The following ERICH3 variants were observed in gnomAD, a reference collection of about 807,000 sequenced individuals.
ERICH3 encodes the protein glutamate rich 3.
In ERICH3, 126 loss-of-function variants were observed where a neutral mutation model predicts 131.1. That is an observed-to-expected ratio of 0.96 (90% confidence interval 0.83 to 1.11). The LOEUF is 1.11. Among genes scored for constraint, ERICH3 ranks in the 50% most tolerant of loss-of-function variants. The pLI is 0.00. For missense variants in ERICH3, 2,050 were observed against 1,810.7 expected (o/e 1.13, Z -2.40); for synonymous variants, 695 against 644.6 (o/e 1.08, Z -1.18).
At chr1:74,611,675 C>T (rs955952809) in intron 9 of ERICH3, among the ~76,000 whole-genome samples, 8 of 152,184 alleles carry the variant, frequency 5.3e-5, no homozygotes, top group South Asian at 2.1e-4. Context: ...ACAACAAACA[C>T]GTGCCTGCTT....
Position 74,606,917 on chromosome 1 carries a change from A to G in ERICH3, c.1188-15T>C. 1 of 1,602,816 alleles carries G rather than the reference A, an allele frequency of 6.2e-7. No homozygotes were observed. On this transcript the variant is annotated splice_polypyrimidine_tract_variant and intron_variant, in intron 9 of 14. Coordinates refer to ENST00000326665, the MANE Select transcript of ERICH3 (RefSeq NM_001002912.5). Reference sequence around the variant, plus strand: ...CAATAATGCACCTATGAAAAATATTAGCAGGAAGTGTTTGTTAACCCTTGT... The same window carrying G: ...CAATAATGCACCTATGAAAAATATTGGCAGGAAGTGTTTGTTAACCCTTGT...
intron 8 of ERICH3, among the ~76,000 whole-genome samples, chr1:74,613,035 C>A (rs905497925): frequency 1.3e-5 from 2 of 151,994 alleles, no homozygotes; most frequent in Admixed American, 6.6e-5. Flanking sequence ...AAAAAAAGTT[C>A]TTGTATAAAT....
At chr1:74,642,975 T>TA in intron 4 of ERICH3, 52 bp downstream of exon 4, 1 of 1,363,288 alleles carries the variant, frequency 7.3e-7, no homozygotes, top group Non-Finnish European at 1.0e-6. Flanking sequence ...CTGTTTTTTT[T>TA]AAAATCATAA....
chr1:74,597,136 C>T (rs191177809), intron 11 of ERICH3, among the ~76,000 whole-genome samples: 17 of 152,204 alleles, frequency 1.1e-4, no homozygotes, highest in Admixed American at 2.0e-4. Flanking sequence ...GGCTTTTCAA[C>T]AGAGTATTCC....
chr1:74,663,019 G>T (rs549599), intron 1 of ERICH3, among the ~76,000 whole-genome samples: 107,444 of 151,992 alleles, frequency 0.71, 38,852 homozygotes, highest in African/African-American at 0.85. Context: ...ATATATCATT[G>T]TATGTCTTTC....
At chr1:74,611,798 C>T (rs1648710158) in intron 9 of ERICH3, among the ~76,000 whole-genome samples, 1 of 152,096 alleles carries the variant, frequency 6.6e-6, no homozygotes, top group African/African-American at 2.4e-5. Context: ...CCTAACTATC[C>T]TGCATAAAAT....
At chr1:74,640,759 A>G (rs1183153562) in intron 5 of ERICH3, among the ~76,000 whole-genome samples, 1 of 152,094 alleles carries the variant, frequency 6.6e-6, no homozygotes, top group Non-Finnish European at 1.5e-5. Flanking sequence ...AATTATTTTT[A>G]TTTTAGAGTA....
intron 8 of ERICH3, among the ~76,000 whole-genome samples, chr1:74,613,611 C>A (rs1436799701): frequency 6.6e-6 from 1 of 152,310 alleles, no homozygotes; most frequent in South Asian, 2.1e-4. Context: ...CATCTCCAAG[C>A]TATACTCAAT....
At chr1:74,626,462 G>T (rs1343644850) in intron 7 of ERICH3, among the ~76,000 whole-genome samples, 2 of 152,044 alleles carry the variant, frequency 1.3e-5, no homozygotes, top group African/African-American at 4.8e-5. Flanking sequence ...TAAACTTTTT[G>T]CCCTCTCTTT....
At chr1:74,620,701 A>G (rs1452180863) in intron 8 of ERICH3, 33 bp downstream of exon 8, 27 of 1,525,976 alleles carry the variant, frequency 1.8e-5, no homozygotes, top group Non-Finnish European at 2.2e-5. Context: ...ATCAACTCCA[A>G]GCAATTAAAA....
chr1:74,646,631 A>C, intron 3 of ERICH3, 36 bp downstream of exon 3: 1 of 1,109,572 alleles, frequency 9.0e-7, no homozygotes, highest in Non-Finnish European at 1.2e-6. Context: ...AGTAGAAAAA[A>C]ATAAAATAAA....
intron 12 of ERICH3, among the ~76,000 whole-genome samples, chr1:74,581,297 ATG>A (rs1364310298): frequency 4.6e-5 from 7 of 152,146 alleles, no homozygotes; most frequent in Middle Eastern, 3.4e-3. Context: ...TATTAAGCCC[ATG>A]TGTTAGGTTT....
chr1:74,669,778 T>C (rs1646724954), intron 1 of ERICH3, among the ~76,000 whole-genome samples: 1 of 152,184 alleles, frequency 6.6e-6, no homozygotes, highest in African/African-American at 2.4e-5. Context: ...TTACATCAAG[T>C]GCTTCATGCT....
chr1:74,646,085 G>C (rs1219625617), intron 3 of ERICH3, among the ~76,000 whole-genome samples: 1 of 147,372 alleles, frequency 6.8e-6, no homozygotes, highest in East Asian at 2.1e-4. Context: ...TACCCTGTCA[G>C]ATTAAAAAAA....
chr1:74,613,264 G>T lies in ERICH3; in HGVS notation c.1001-455C>A, dbSNP rs149530512. On this transcript the variant is annotated intron_variant, in intron 8 of 14. Transcript: ENST00000326665. ...TTGTAATAAAATAATAATACCTAAG[G>T]TTACATGAGCACTTACTGTGGCAGG... 6.7e-3 allele frequency among the ~76,000 whole-genome samples: 1,026 copies of T among 152,088 alleles called. 9 individuals carry two copies. Among genetic ancestry groups the T allele is most frequent in the African/African-American group, 0.022 (931 of 41,488 alleles).
At chr1:74,610,536 C>T (rs1030960948) in intron 9 of ERICH3, among the ~76,000 whole-genome samples, 2 of 151,210 alleles carry the variant, frequency 1.3e-5, no homozygotes, top group Admixed American at 1.3e-4. Context: ...CCCTTTATGT[C>T]ATACTTCATG....
intron 13 of ERICH3, among the ~76,000 whole-genome samples, chr1:74,574,158 T>A (rs1014339345): frequency 2.0e-5 from 3 of 151,978 alleles, no homozygotes; most frequent in Non-Finnish European, 4.4e-5. Context: ...GCCAGGCTAA[T>A]TTTTTTGTTT....
rs2305549 is a variant in ERICH3, at chr1:74,589,735, T to C, written c.2072A>G (p.His691Arg). The C allele has an allele frequency of 0.095, 152,856 of 1,614,022 alleles. 8,275 individuals are homozygous for C. The highest frequency in any genetic ancestry group is 0.24 in the East Asian group (10,798 of 44,872). The part of the protein sequence containing the change: ...AEGLSEKSGK[H>R]VSAEEKEKDK... The stretch of plus-strand genomic sequence containing the variant: ...CTTTTCCTTTTCTTCTGCAGAAACA[T>C]GTTTCCCGGACTTCTCAGATAAACC... The change falls in exon 12 of 15, where the codon CAT becomes CGT. Residue 691 changes from histidine (H) to arginine (R), a missense_variant. Physicochemically the swap from His to Arg is conservative, Grantham distance 29 (BLOSUM62 0). Coordinates refer to ENST00000326665, the MANE Select transcript of ERICH3 (RefSeq NM_001002912.5).
chr1:74,666,964 G>A (rs550059914), intron 1 of ERICH3, among the ~76,000 whole-genome samples: 70 of 152,218 alleles, frequency 4.6e-4, no homozygotes, highest in African/African-American at 1.7e-3. Flanking sequence ...ATTCTCCCTT[G>A]AGTATGTAGA....
Sources: allele counts gnomAD v4.1 joint callset (sites outside exome capture counted in the v4.1 genomes callset), GRCh38; gene constraint gnomAD v4.1.1; transcripts MANE v1.5; gene names NCBI Gene and HGNC (gene_info 2026-07-23, HGNC 2026-07-21).